Variants in ESCO1 observed in about 807,000 individuals in gnomAD.
ESCO1 encodes the protein N-acetyltransferase ESCO1.
ESCO1 carries 33 observed loss-of-function variants against 83.5 expected under a neutral mutation model. The observed-to-expected ratio is 0.40, with a 90% CI of 0.30 to 0.53. ESCO1 has a LOEUF of 0.53. Ranked by LOEUF, ESCO1 falls within the 20% of genes least tolerant of loss-of-function variation. The pLI, the probability that ESCO1 is intolerant of heterozygous loss-of-function variation, is 0.63. For missense variants in ESCO1, 855 were observed against 968.0 expected, an observed-to-expected ratio of 0.88 and a Z score of 1.55; for synonymous variants, 332 against 324.3, an observed-to-expected ratio of 1.02 and a Z score of -0.25.
chr18:21,537,000 T>C (rs1349165881), intron 9 of ESCO1, among the ~76,000 whole-genome samples: 2 of 152,240 alleles, frequency 1.3e-5, no homozygotes, highest in Non-Finnish European at 2.9e-5. Context: ...TGGAGGTTTA[T>C]GGTTCTTCAC....
chr18:21,549,924 G>A (rs1029278866), intron 8 of ESCO1, among the ~76,000 whole-genome samples: 4 of 149,930 alleles, frequency 2.7e-5, no homozygotes, highest in Non-Finnish European at 4.4e-5. Flanking sequence ...CCAAGATCAC[G>A]CCACTGCACT....
intron 8 of ESCO1, among the ~76,000 whole-genome samples, chr18:21,554,285 G>A (rs1009705344): frequency 4.6e-5 from 7 of 152,178 alleles, no homozygotes; most frequent in African/African-American, 9.7e-5. Context: ...GCAATCAAGC[G>A]TCTTGGTATT....
chr18:21,540,037 C>T, intron 8 of ESCO1, 28 bp from the exon 9 acceptor site: 1 of 1,470,196 alleles, frequency 6.8e-7, no homozygotes, highest in African/African-American at 1.4e-5. Context: ...TATATACACA[C>T]ATATGTAAAG....
chr18:21,598,097 G>C (rs1303126022), intron 1 of ESCO1, among the ~76,000 whole-genome samples: 1 of 152,150 alleles, frequency 6.6e-6, no homozygotes, highest in African/African-American at 2.4e-5. Context: ...TTGGTTTCTA[G>C]TACCTAAATT....
intron 4 of ESCO1, among the ~76,000 whole-genome samples, chr18:21,572,887 C>A (rs1477573215): frequency 6.6e-6 from 1 of 151,546 alleles, no homozygotes; most frequent in Non-Finnish European, 1.5e-5. Flanking sequence ...TGGCTTGAAC[C>A]TGGGAGGCGG....
Position 21,581,229 on chromosome 18 carries a change from G to T in ESCO1, c.-694+3081C>A, listed in dbSNP as rs552570506. ...TCAGGAGGCTGAGGCAGTGAGGCAG[G>T]AGAATGGCGTGAACTCAGGAGGCAG... On this transcript the variant is annotated intron_variant, in intron 2 of 11. Coordinates refer to ENST00000269214, the MANE Select transcript of ESCO1 (RefSeq NM_052911.3). Among the ~76,000 whole-genome samples, 15 of 149,448 alleles carry T rather than the reference G, an allele frequency of 1.0e-4. No homozygotes were observed. The South Asian group carries it at 3.2e-3, about 32-fold the overall frequency.
chr18:21,535,058 T>C (rs1241772517), intron 10 of ESCO1, among the ~76,000 whole-genome samples: 2 of 152,156 alleles, frequency 1.3e-5, no homozygotes, highest in East Asian at 1.9e-4. Flanking sequence ...TGGGTGTTGG[T>C]GGGCGACAAT....
At chr18:21,532,756 T>G in intron 10 of ESCO1, 96 bp from the exon 11 acceptor site, 1 of 1,163,430 alleles carries the variant, frequency 8.6e-7, no homozygotes, top group Non-Finnish European at 1.2e-6. Context: ...TTGACTGGCT[T>G]AACAAACTAT....
rs778885411 is a variant in ESCO1, at chr18:21,574,162, G to A, written c.682C>T (p.Pro228Ser). The stretch of plus-strand genomic sequence containing the variant: ...TCGTCTCTTCTAGTAGTCTTCTGAG[G>A]ACACTTTTCAGATCCTTGCGTGCAT... ...SQCTQGSEKCPQKTTRRDETK... is the reference protein window; with the variant it reads ...SQCTQGSEKCSQKTTRRDETK... Residue 228 changes from proline (P) to serine (S), a missense_variant, in exon 4 of 12, where the codon CCT (proline) becomes TCT (serine). By Grantham distance (74) the Pro-to-Ser change is moderately conservative. Transcript: ENST00000269214. 9.9e-6 allele frequency: 16 copies of A among 1,613,696 alleles called. No individual in the cohort carries two copies. Among genetic ancestry groups the A allele is most frequent in the African/African-American group, 1.3e-5 (1 of 74,862 alleles).
chr18:21,546,517 C>T (rs2037975888), intron 8 of ESCO1, among the ~76,000 whole-genome samples: 1 of 152,162 alleles, frequency 6.6e-6, no homozygotes, highest in Admixed American at 6.6e-5. Flanking sequence ...CCGATTATTA[C>T]AGCAACTAAG....
chr18:21,574,572 C>T lies in ESCO1; in HGVS notation c.272G>A (p.Arg91Lys). 1 of 1,613,976 alleles carries T rather than the reference C, an allele frequency of 6.2e-7. No individual in the cohort carries two copies. Among genetic ancestry groups the T allele is most frequent in the Admixed American group, 1.7e-5 (1 of 59,992 alleles). The change falls in exon 4 of 12, where the codon AGG becomes AAG. Residue 91 changes from arginine to lysine, a missense_variant. This residue lies in a region of ESCO1 where 726 missense variants were observed against 699.5 expected (regional missense o/e 1.04). Transcript: ENST00000269214. ...KSINKNTVTV[R>K]GYSQESTKKK... is the part of the protein sequence containing the mutation. ...TTTTGTAGATTCTTGTGAATATCCC[C>T]TCACAGTCACCGTATTTTTATTAAT...
intron 8 of ESCO1, chr18:21,540,464 G>A (rs955938946): frequency 5.9e-5 from 51 of 866,378 alleles, no homozygotes; most frequent in Non-Finnish European, 6.5e-5. Context: ...ACCTCCAGGA[G>A]GTTTTAAATG....
Position 21,544,500 on chromosome 18 carries a change from G to A in ESCO1, c.1954-4491C>T, listed in dbSNP as rs1271605200. Among the ~76,000 whole-genome samples, 3 of 147,684 alleles carry A rather than the reference G, an allele frequency of 2.0e-5. No homozygotes were observed. The East Asian group carries it at 6.2e-4, about 30-fold the overall frequency. ...AAAAACTAGACAAGCGTGGTGGCATGCACCTGTAATCCCAGCTACTTGGGA... is the reference window on the plus strand; with the variant it reads ...AAAAACTAGACAAGCGTGGTGGCATACACCTGTAATCCCAGCTACTTGGGA... On this transcript the variant is annotated intron_variant, in intron 8 of 11. Transcript: ENST00000269214.
rs150120806 is a variant in ESCO1 at position 21,569,552 on chromosome 18, C to T, written c.1531-1458G>A. Among the ~76,000 whole-genome samples the T allele has an allele frequency of 1.2e-4, 18 of 152,342 alleles. No individual in the cohort carries two copies. The East Asian group carries it at 3.3e-3, about 28-fold the overall frequency. The stretch of plus-strand genomic sequence containing the variant: ...CCTGAGGTCAGGAGTTCCAGGCCAG[C>T]CTCACCAAGATGGTGAAACCCCGTC... On this transcript the variant is annotated intron_variant, in intron 4 of 11. Coordinates refer to ENST00000269214, the MANE Select transcript of ESCO1 (RefSeq NM_052911.3).
intron 8 of ESCO1, chr18:21,540,697 G>A (rs1292154920): frequency 6.3e-6 from 8 of 1,278,764 alleles, no homozygotes; most frequent in Non-Finnish European, 8.1e-6. Context: ...TTAATGAGCA[G>A]AACCTGCATA....
chr18:21,557,657 G>A (rs2038129712), intron 8 of ESCO1, among the ~76,000 whole-genome samples: 1 of 152,176 alleles, frequency 6.6e-6, no homozygotes, highest in Non-Finnish European at 1.5e-5. Context: ...AAGGAGTTAA[G>A]AAGGATAATA....
intron 1 of ESCO1, among the ~76,000 whole-genome samples, chr18:21,592,551 G>C (rs1394888021): frequency 6.7e-6 from 1 of 149,250 alleles, no homozygotes; most frequent in Non-Finnish European, 1.5e-5. Context: ...GGCCGGGCGG[G>C]GGGCTGACCC....
At chr18:21,599,600 G>C (rs912941100) in intron 1 of ESCO1, among the ~76,000 whole-genome samples, 8 of 152,154 alleles carry the variant, frequency 5.3e-5, no homozygotes, top group Non-Finnish European at 1.2e-4. Context: ...ATACTATCTA[G>C]ATACTGTGTG....
intron 9 of ESCO1, among the ~76,000 whole-genome samples, 159 bp from the exon 10 acceptor site, chr18:21,536,344 C>A (rs2037836845): frequency 6.6e-6 from 1 of 152,162 alleles, no homozygotes; most frequent in Admixed American, 6.5e-5. Context: ...AATCCTACCA[C>A]TTTAGGAGGC....
Sources: allele counts gnomAD v4.1 joint callset (sites outside exome capture counted in the v4.1 genomes callset), GRCh38; gene constraint gnomAD v4.1.1; regional missense constraint gnomAD v4.1.1; transcripts MANE v1.5; gene names NCBI Gene and HGNC (gene_info 2026-07-23, HGNC 2026-07-21).